The following PRRC2B variants were observed in gnomAD, a reference collection of about 807,000 sequenced individuals.
PRRC2B encodes protein PRRC2B.
Under a neutral mutation model 242.3 loss-of-function variants are expected in PRRC2B, and 68 were observed. The observed-to-expected ratio is 0.28, with a 90% CI of 0.23 to 0.34. The LOEUF (loss-of-function observed/expected upper bound fraction) is 0.34, where lower values mean the gene tolerates loss of function less well. PRRC2B is among the 10% of genes least tolerant of loss of function. PRRC2B has a pLI of 1.00. For synonymous variants in PRRC2B, 1,228 were observed against 1,173.6 expected (o/e 1.05, Z -0.95); for missense variants, 2,835 against 2,954.8 (o/e 0.96, Z 0.94).
At chr9:131,417,629 T>C (rs1837694831) in intron 1 of PRRC2B, among the ~76,000 whole-genome samples, 1 of 152,212 alleles carries the variant, frequency 6.6e-6, no homozygotes, top group African/African-American at 2.4e-5. Flanking sequence ...TTGCCAAAAC[T>C]GTCCCTGTTG....
At chr9:131,389,460 C>G (rs1836870794), upstream of PRRC2B, among the ~76,000 whole-genome samples, 1 of 150,584 alleles carries the variant, frequency 6.6e-6, no homozygotes, top group South Asian at 2.1e-4. Flanking sequence ...CCTGGCTGGG[C>G]AAGTCACTGA....
At chr9:131,400,047 C>T (rs1324093491) in intron 1 of PRRC2B, among the ~76,000 whole-genome samples, 2 of 152,118 alleles carry the variant, frequency 1.3e-5, no homozygotes, top group African/African-American at 4.8e-5. Flanking sequence ...GTCTTTGTCA[C>T]CTCCCTCTCC....
chr9:131,382,178 G>A (rs1422446863), intron 1 of PRRC2B, among the ~76,000 whole-genome samples: 1 of 152,084 alleles, frequency 6.6e-6, no homozygotes, highest in African/African-American at 2.4e-5. Flanking sequence ...CACCACGCCC[G>A]GCTAAGTTTT....
At chr9:131,479,729 A>T (rs1943804275) in intron 19 of PRRC2B, among the ~76,000 whole-genome samples, 1 of 152,138 alleles carries the variant, frequency 6.6e-6, no homozygotes, top group Admixed American at 6.5e-5. Flanking sequence ...TCTCCCACTA[A>T]CTTATGGAAG....
chr9:131,494,295 C>A lies in PRRC2B; in HGVS notation c.6474-110C>A. The A allele has an allele frequency of 1.6e-6, 1 of 644,408 alleles. No individual in the cohort carries two copies. The allele number at this position is 644,408 out of a possible 1,614,324, so 39.9% of individuals were successfully genotyped here. On this transcript the variant is annotated intron_variant, in intron 30 of 31. Transcript: ENST00000683519. This position sits in a 1 kb window ranked among gnomAD's most constrained non-coding sequence, Gnocchi z 4.3. ...TCCACGGACCGTCCCGAGTGAGCGCCTCTGGCCGCAGGCCCTTCCTTCCTT... is the reference window on the plus strand; with the variant it reads ...TCCACGGACCGTCCCGAGTGAGCGCATCTGGCCGCAGGCCCTTCCTTCCTT...
chr9:131,387,065 G>A (rs768184138), intron 1 of PRRC2B, among the ~76,000 whole-genome samples: 3 of 149,632 alleles, frequency 2.0e-5, no homozygotes, highest in Admixed American at 7.0e-5. Flanking sequence ...GCAATGGCAC[G>A]ATCTCGGCTC....
At chr9:131,399,711 A>C (rs1432105487) in intron 1 of PRRC2B, among the ~76,000 whole-genome samples, 4 of 152,246 alleles carry the variant, frequency 2.6e-5, no homozygotes, top group African/African-American at 9.6e-5. Context: ...TGTGTTTTCT[A>C]AATTAGAGCA....
intron 5 of PRRC2B, 138 bp downstream of exon 5, chr9:131,439,199 C>A: frequency 2.8e-6 from 2 of 708,148 alleles, no homozygotes; most frequent in Non-Finnish European, 5.0e-6. Flanking sequence ...TCTATGGAGC[C>A]CTTGCCTGTG....
At position 131,475,320 on chromosome 9, in the gene PRRC2B, C is replaced by G; in HGVS notation, c.3191C>G (p.Ala1064Gly). Residue 1064 changes from alanine to glycine, a missense_variant, in exon 16 of 32, where the codon GCC becomes GGC. By Grantham distance (60) the Ala-to-Gly change is moderately conservative (BLOSUM62 0). Coordinates refer to ENST00000683519, the MANE Select transcript of PRRC2B (RefSeq NM_013318.4). Reference protein sequence around the residue: ...EEQAFGVRGQARGRGRGFREF... With the variant: ...EEQAFGVRGQGRGRGRGFREF... ...CAAGCCTTTGGGGTCAGAGGACAGG[C>G]CCGGGGCCGGGGCCGTGGTTTCAGA... is the stretch of plus-strand genomic sequence containing the variant. The G allele has an allele frequency of 1.3e-6, 2 of 1,597,836 alleles. No individual in the cohort carries two copies. Among genetic ancestry groups the G allele is most frequent in the Non-Finnish European group, 1.7e-6 (2 of 1,173,044 alleles).
chr9:131,478,415 GT>G (rs1421609620), intron 17 of PRRC2B, 58 bp from the exon 18 acceptor site: 83 of 1,550,448 alleles, frequency 5.4e-5, no homozygotes, highest in Non-Finnish European at 7.2e-5. Flanking sequence ...GTTGAATTGG[GT>G]TGTTCTTGTC....
intron 29 of PRRC2B, 24 bp downstream of exon 29, chr9:131,491,604 G>T (rs1290236515): frequency 2.5e-6 from 4 of 1,585,700 alleles, no homozygotes; most frequent in Non-Finnish European, 3.4e-6. Flanking sequence ...ATCTGCCTCT[G>T]ACCCTAGGGA....
chr9:131,476,221 G>C lies in PRRC2B; in HGVS notation c.4092G>C (p.Gln1364His), dbSNP rs1481092254. Residue 1364 changes from glutamine to histidine, a missense_variant, in exon 16 of 32, where the codon CAG becomes CAC. Around this residue, in one of 7 missense-constraint regions of PRRC2B, gnomAD observed 1,536 missense variants for 1,483.1 expected, o/e 1.04. Coordinates refer to ENST00000683519, the MANE Select transcript of PRRC2B (RefSeq NM_013318.4). ...VGRRSPELSY[Q>H]NSSDHANEEW... ...GCAGGTCCCCTGAGCTCTCCTACCA[G>C]AACTCCTCCGATCACGCCAATGAGG... 23 of 1,613,240 alleles carry C rather than the reference G, an allele frequency of 1.4e-5. No individual in the cohort carries two copies. The highest frequency in any genetic ancestry group is 2.7e-5 in the African/African-American group (2 of 74,926).
At chr9:131,433,897 G>T (rs1050262558) in intron 3 of PRRC2B, among the ~76,000 whole-genome samples, 1 of 152,112 alleles carries the variant, frequency 6.6e-6, no homozygotes, top group East Asian at 1.9e-4. Context: ...ATCAAAATAG[G>T]GCCTTAGAAG....
intron 1 of PRRC2B, among the ~76,000 whole-genome samples, chr9:131,413,971 TAATC>T (rs1004164483): frequency 2.6e-5 from 4 of 152,182 alleles, no homozygotes; most frequent in Admixed American, 6.5e-5. Context: ...CGCCGGGCCT[TAATC>T]AAAGCATTCT....
chr9:131,414,539 C>T (rs1028602679), intron 1 of PRRC2B, among the ~76,000 whole-genome samples: 51 of 150,290 alleles, frequency 3.4e-4, no homozygotes, highest in South Asian at 1.3e-3. Context: ...AGGACTGTTG[C>T]CCCTCTGGCC....
At chr9:131,430,484 G>A (rs1177286075) in intron 2 of PRRC2B, among the ~76,000 whole-genome samples, 1 of 138,530 alleles carries the variant, frequency 7.2e-6, no homozygotes, top group African/African-American at 2.9e-5. Flanking sequence ...CCTTATTGAA[G>A]CTGGGGAGAT....
intron 1 of PRRC2B, among the ~76,000 whole-genome samples, chr9:131,406,371 C>T (rs12552084): frequency 0.14 from 21,518 of 152,020 alleles, 1,750 homozygotes; most frequent in African/African-American, 0.21. Flanking sequence ...TGGCAGCTGC[C>T]CTGTGTCTAG....
chr9:131,452,876 G>A (rs1588260324), intron 9 of PRRC2B, among the ~76,000 whole-genome samples: 1 of 152,130 alleles, frequency 6.6e-6, no homozygotes, highest in Non-Finnish European at 1.5e-5. Flanking sequence ...TATTTCAGGT[G>A]CCCTTTGAAA....
intron 15 of PRRC2B, 103 bp downstream of exon 15, chr9:131,473,827 C>T (rs557249578): frequency 1.8e-3 from 1,456 of 815,844 alleles, no homozygotes; most frequent in Non-Finnish European, 2.6e-3. Flanking sequence ...ACACTGCCCA[C>T]GGGAGACGTG....
Sources: allele counts gnomAD v4.1 joint callset (sites outside exome capture counted in the v4.1 genomes callset), GRCh38; gene constraint gnomAD v4.1.1; regional missense constraint gnomAD v4.1.1; non-coding constraint Gnocchi (gnomAD v3.1); transcripts MANE v1.5; gene names NCBI Gene and HGNC (gene_info 2026-07-23, HGNC 2026-07-21).